The following CDH13 variants were observed in gnomAD, a reference collection of about 807,000 sequenced individuals.
The protein encoded by CDH13 is cadherin-13.
A neutral mutation model predicts 63.8 loss-of-function variants in CDH13; 24 were observed. That is an observed-to-expected ratio of 0.38 (90% CI 0.27 to 0.53). The LOEUF (loss-of-function observed/expected upper bound fraction) is 0.53, where lower values mean the gene tolerates loss of function less well. CDH13 is among the 20% of genes least tolerant of loss of function. The pLI is 0.85. For missense variants in CDH13, 1,049 were observed against 903.1 expected (o/e 1.16, Z -2.07); for synonymous variants, 503 against 355.3 (o/e 1.42, Z -4.67).
chr16:83,752,854 C>T (rs1350819575), intron 11 of CDH13, among the ~76,000 whole-genome samples: 3 of 152,214 alleles, frequency 2.0e-5, no homozygotes, highest in African/African-American at 7.2e-5. Flanking sequence ...ATGTTAATCC[C>T]ACCCAGGTGG....
intron 5 of CDH13, among the ~76,000 whole-genome samples, chr16:83,266,098 G>A (rs1447260980): frequency 6.6e-6 from 1 of 151,902 alleles, no homozygotes; most frequent in African/African-American, 2.4e-5. Context: ...CACCACGTCC[G>A]GCTAATTTTT....
At chr16:82,775,713 C>A (rs887799898) in intron 1 of CDH13, among the ~76,000 whole-genome samples, 2 of 152,160 alleles carry the variant, frequency 1.3e-5, no homozygotes, top group Admixed American at 1.3e-4. Flanking sequence ...TCTTAATACG[C>A]ATTACAGCCT....
At chr16:82,853,307 T>G (rs1245313798) in intron 1 of CDH13, among the ~76,000 whole-genome samples, 2 of 152,218 alleles carry the variant, frequency 1.3e-5, no homozygotes, top group Non-Finnish European at 2.9e-5. Context: ...CTGAACAGTT[T>G]TTTAGTAACA....
At chr16:83,474,294 T>C (rs9938712) in intron 6 of CDH13, among the ~76,000 whole-genome samples, 3,817 of 152,284 alleles carry the variant, frequency 0.025, 162 homozygotes, top group African/African-American at 0.086. Flanking sequence ...CAGCCCATTT[T>C]ACAGATAAGG....
chr16:83,152,428 A>C (rs2037024317), intron 4 of CDH13, among the ~76,000 whole-genome samples: 1 of 152,256 alleles, frequency 6.6e-6, no homozygotes, highest in African/African-American at 2.4e-5. Context: ...GCATTGTTCT[A>C]GTTTTACTAA....
At chr16:83,065,727 AAC>A (rs1341084903) in intron 3 of CDH13, among the ~76,000 whole-genome samples, 2 of 91,830 alleles carry the variant, frequency 2.2e-5, no homozygotes, top group East Asian at 4.0e-4. Context: ...AAAACAAAAA[AAC>A]AAAAAAAAAA....
chr16:83,577,125 T>A (rs1905136778), intron 7 of CDH13, among the ~76,000 whole-genome samples: 1 of 152,226 alleles, frequency 6.6e-6, no homozygotes, highest in Non-Finnish European at 1.5e-5. Context: ...GTCTGTTGAT[T>A]GGCTGCGGGC....
At chr16:83,548,877 A>G (rs1294439579) in intron 7 of CDH13, among the ~76,000 whole-genome samples, 5 of 152,092 alleles carry the variant, frequency 3.3e-5, no homozygotes, top group African/African-American at 4.8e-5. Context: ...TGCCATCACT[A>G]TTGCAAAATA....
chr16:82,938,266 A>T (rs7405246), intron 2 of CDH13, among the ~76,000 whole-genome samples: 3 of 152,326 alleles, frequency 2.0e-5, no homozygotes, highest in East Asian at 3.9e-4. Flanking sequence ...CTCAGTAAAG[A>T]CATGAAAAGG....
chr16:82,638,692 T>C (rs1358218874), intron 1 of CDH13, among the ~76,000 whole-genome samples: 1 of 152,144 alleles, frequency 6.6e-6, no homozygotes, highest in South Asian at 2.1e-4. Context: ...CCAATTCCCA[T>C]ATTAGTAGGT....
intron 1 of CDH13, among the ~76,000 whole-genome samples, chr16:82,835,191 C>T (rs1721271843): frequency 6.6e-6 from 1 of 152,158 alleles, no homozygotes; most frequent in Non-Finnish European, 1.5e-5. Flanking sequence ...ATCCAGTGTG[C>T]ATTTTGCACT....
chr16:83,748,268 AC>A lies in CDH13; in HGVS notation c.1681+20del. 6.3e-7 allele frequency: 1 copy of A among 1,590,724 alleles called. No homozygotes were observed. Among genetic ancestry groups the A allele is most frequent in the South Asian group, 1.1e-5 (1 of 88,516 alleles). ...TGACAGTGGTGAGTACTTGACAAAGACCATCAAGGGTATACTTTTCTGCTAC... is the reference window on the plus strand; with the variant it reads ...TGACAGTGGTGAGTACTTGACAAAGACATCAAGGGTATACTTTTCTGCTAC... On this transcript the variant is annotated intron_variant, in intron 11 of 13. Transcript: ENST00000567109.
At chr16:82,880,222 G>A (rs1037671035) in intron 2 of CDH13, among the ~76,000 whole-genome samples, 1 of 151,972 alleles carries the variant, frequency 6.6e-6, no homozygotes, top group African/African-American at 2.4e-5. Context: ...TGCTTCTCAA[G>A]TGCAGCGTCC....
At position 82,746,100 on chromosome 16, in the gene CDH13, C is replaced by A. The variant is rs533168295; in HGVS notation, c.46-112262C>A. On this transcript the variant is annotated intron_variant, in intron 1 of 13. Coordinates refer to ENST00000567109, the MANE Select transcript of CDH13 (RefSeq NM_001257.5). ...TATCTATGTCTTTCTATTTCTCTCTCTCTATATATACATACATTTTATATA... is the reference window on the plus strand; with the variant it reads ...TATCTATGTCTTTCTATTTCTCTCTATCTATATATACATACATTTTATATA... 3.6e-4 allele frequency among the ~76,000 whole-genome samples: 55 copies of A among 151,880 alleles called. 1 individual carries two copies. In the South Asian group the frequency reaches 5.4e-3, roughly 15 times the overall value.
At chr16:82,827,196 TA>T (rs1426441076) in intron 1 of CDH13, among the ~76,000 whole-genome samples, 2 of 152,178 alleles carry the variant, frequency 1.3e-5, no homozygotes, top group Admixed American at 1.3e-4. Context: ...TAGAAATGGA[TA>T]AAGTTTAGGT....
rs61067563 is a variant in CDH13, at chr16:83,707,836, C to CAAAA, written c.1538+29394_1538+29397dup. ...CATCTTTGGTGAGAGACCCTAAAGG[C>CAAAA]AAAAAAAAAAAAAAAAAAAAAAGAG... On this transcript the variant is annotated intron_variant, in intron 10 of 13. Transcript: ENST00000567109. Among the ~76,000 whole-genome samples, 529 of 78,712 alleles carry CAAAA rather than the reference C, an allele frequency of 6.7e-3. 26 individuals are homozygous for CAAAA. Among genetic ancestry groups the CAAAA allele is most frequent in the African/African-American group, 0.021 (410 of 19,922 alleles). The allele number at this position is 78,712 out of a possible 152,430, so 51.6% of individuals were successfully genotyped here. A position where few individuals can be genotyped will look rare whatever the true frequency, so the allele number is the denominator to read the frequency against.
At chr16:83,135,087 C>T (rs913545665) in intron 4 of CDH13, among the ~76,000 whole-genome samples, 1 of 152,182 alleles carries the variant, frequency 6.6e-6, no homozygotes, top group African/African-American at 2.4e-5. Context: ...TCAAATTGGA[C>T]TAGAATGTTC....
intron 4 of CDH13, among the ~76,000 whole-genome samples, chr16:83,126,383 A>G (rs1323115543): frequency 2.0e-5 from 3 of 152,162 alleles, no homozygotes; most frequent in Admixed American, 6.5e-5. Context: ...AAAATTGAAT[A>G]TGGCTAATTA....
chr16:83,582,589 G>A (rs555887136), intron 7 of CDH13, among the ~76,000 whole-genome samples: 1 of 152,244 alleles, frequency 6.6e-6, no homozygotes, highest in African/African-American at 2.4e-5. Context: ...GCCCATAAGG[G>A]TTGTTAGGAC....
Sources: gnomAD v4.1 joint callset for allele counts (sites outside exome capture counted in the v4.1 genomes callset) on GRCh38, gnomAD v4.1.1 for gene constraint, MANE v1.5 for transcripts, NCBI Gene and HGNC (gene_info 2026-07-23, HGNC 2026-07-21) for gene names.